OPA1: variants seen among roughly 807,000 people sequenced by gnomAD.
OPA1 encodes the protein dynamin-like GTPase OPA1, mitochondrial.
OPA1 carries 59 observed loss-of-function variants against 152.9 expected under a neutral mutation model. The ratio of observed to expected loss-of-function variants is 0.39; its 90% CI spans 0.31 to 0.48. The LOEUF is 0.48. Ranked by LOEUF, OPA1 falls within the 20% of genes least tolerant of loss-of-function variation. OPA1 has a pLI of 0.96. For synonymous variants in OPA1, 400 were observed against 389.9 expected (o/e 1.03, Z -0.31); for missense variants, 1,008 against 1,216.8 (o/e 0.83, Z 2.55).
chr3:193,599,543 G>A (rs1726145654), intron 1 of OPA1, among the ~76,000 whole-genome samples: 1 of 151,912 alleles, frequency 6.6e-6, no homozygotes, highest in African/African-American at 2.4e-5. Flanking sequence ...GAAGTGGCAG[G>A]GAGTCCAAAA....
Position 193,645,599 on chromosome 3 carries a change from G to A in OPA1, c.1655G>A (p.Gly552Asp). 6.2e-7 allele frequency: 1 copy of A among 1,613,098 alleles called. No individual in the cohort carries two copies. Among genetic ancestry groups the A allele is most frequent in the African/African-American group, 1.3e-5 (1 of 74,992 alleles). The change falls in exon 17 of 31, where the codon GGT becomes GAT. Residue 552 changes from glycine (G) to aspartate (D), a missense_variant. Gly to Asp is a moderately conservative substitution (Grantham distance 94). Transcript: ENST00000361510. ...EGKLFPMKAL[G>D]YFAVVTGKGN... ...AAGCTCTTCCCAATGAAAGCTTTAG[G>A]TTATTTTGCTGTTGTAACAGGAAAA...
intron 29 of OPA1, among the ~76,000 whole-genome samples, chr3:193,680,941 G>A (rs1720035026): frequency 6.6e-6 from 1 of 152,030 alleles, no homozygotes; most frequent in Non-Finnish European, 1.5e-5. Context: ...TAAGTGTGGA[G>A]CATCTTATGT....
intron 5 of OPA1, chr3:193,618,563 G>T (rs1481103069): frequency 8.8e-6 from 3 of 341,338 alleles, no homozygotes; most frequent in Non-Finnish European, 1.6e-5. Flanking sequence ...TGGCTGAACT[G>T]TAAGTACTCT....
intron 1 of OPA1, among the ~76,000 whole-genome samples, chr3:193,607,694 G>A (rs1346691471): frequency 6.6e-5 from 10 of 152,240 alleles, no homozygotes; most frequent in Admixed American, 2.0e-4. Context: ...GTCAGGTAGC[G>A]TGATGCCTCC....
chr3:193,617,129 C>A (rs1577162200), intron 3 of OPA1, 49 bp from the exon 4 acceptor site: 2 of 1,105,554 alleles, frequency 1.8e-6, no homozygotes, highest in Non-Finnish European at 2.8e-6. Flanking sequence ...AGAATAGTAT[C>A]TGACATATTT....
chr3:193,653,706 A>G (rs1713090933), intron 21 of OPA1, among the ~76,000 whole-genome samples: 1 of 152,198 alleles, frequency 6.6e-6, no homozygotes, highest in Admixed American at 6.5e-5. Context: ...CTGTGATCTG[A>G]TAAGTTGTCA....
chr3:193,598,033 A>G (rs1725881702), intron 1 of OPA1, among the ~76,000 whole-genome samples: 1 of 152,212 alleles, frequency 6.6e-6, no homozygotes, highest in African/African-American at 2.4e-5. Flanking sequence ...GTGAGCCCTG[A>G]TAATGCCATT....
intron 16 of OPA1, 77 bp downstream of exon 16, chr3:193,644,182 A>G: frequency 6.6e-7 from 1 of 1,515,238 alleles, no homozygotes; most frequent in South Asian, 1.1e-5. Flanking sequence ...TTATTTAAAA[A>G]AACAACAACA....
At chr3:193,685,643 AAAT>A (rs1456634736) in intron 29 of OPA1, among the ~76,000 whole-genome samples, 1 of 152,170 alleles carries the variant, frequency 6.6e-6, no homozygotes, top group Non-Finnish European at 1.5e-5. Flanking sequence ...TGCTCAGAAA[AAAT>A]ACATTATAAA....
intron 21 of OPA1, among the ~76,000 whole-genome samples, chr3:193,651,182 G>C (rs186129268): frequency 3.9e-5 from 6 of 152,284 alleles, no homozygotes; most frequent in Non-Finnish European, 1.5e-5. Flanking sequence ...AGTAGGGGGA[G>C]GGTGGTCACT....
At chr3:193,635,397 A>G (rs779292631) in intron 8 of OPA1, 21 bp from the exon 9 acceptor site, 1 of 1,417,784 alleles carries the variant, frequency 7.1e-7, no homozygotes, top group East Asian at 2.3e-5. Context: ...TTATATAGTT[A>G]CACTTATTAT....
At chr3:193,678,209 T>G (rs1014700105) in intron 29 of OPA1, among the ~76,000 whole-genome samples, 64 of 152,368 alleles carry the variant, frequency 4.2e-4, no homozygotes, top group African/African-American at 1.5e-3. Flanking sequence ...AAAGCCATTT[T>G]ATCTTTAGTC....
chr3:193,595,715 A>C (rs1266715189), intron 1 of OPA1, among the ~76,000 whole-genome samples: 1 of 151,908 alleles, frequency 6.6e-6, no homozygotes, highest in East Asian at 1.9e-4. Flanking sequence ...TACTCATTTG[A>C]CTTGGCACAC....
intron 29 of OPA1, chr3:193,667,551 G>C (rs1003517884): frequency 5.1e-6 from 2 of 391,010 alleles, no homozygotes; most frequent in Non-Finnish European, 9.9e-6. Flanking sequence ...GGTGCCTATA[G>C]TCCCAGCTAC....
At chr3:193,593,474 C>T (rs937081317) in intron 1 of OPA1, 65 bp downstream of exon 1, 43 of 1,417,872 alleles carry the variant, frequency 3.0e-5, no homozygotes, top group Middle Eastern at 1.8e-4. Context: ...GCTGTCTTAT[C>T]TCTATCTCCA....
chr3:193,598,329 A>G (rs1725927065), intron 1 of OPA1, among the ~76,000 whole-genome samples: 1 of 152,182 alleles, frequency 6.6e-6, no homozygotes, highest in African/African-American at 2.4e-5. Context: ...AGTAGAGGGC[A>G]AGGTCATCTA....
chr3:193,657,972 G>A (rs993321417), intron 23 of OPA1, among the ~76,000 whole-genome samples: 5 of 152,096 alleles, frequency 3.3e-5, no homozygotes, highest in African/African-American at 9.7e-5. Context: ...ATGGCCGGGC[G>A]TGGTGGCTCA....
chr3:193,672,318 C>G (rs1718109349), intron 29 of OPA1, among the ~76,000 whole-genome samples: 2 of 152,154 alleles, frequency 1.3e-5, no homozygotes, highest in Admixed American at 1.3e-4. Context: ...ATCTGGGCAT[C>G]AATAACAATT....
intron 7 of OPA1, among the ~76,000 whole-genome samples, chr3:193,631,116 G>T (rs529088616): frequency 1.1e-3 from 169 of 152,206 alleles, no homozygotes; most frequent in African/African-American, 3.8e-3. Context: ...GCTACTTATG[G>T]TACAGAAATG....
Sources: allele counts gnomAD v4.1 joint callset (sites outside exome capture counted in the v4.1 genomes callset), GRCh38; gene constraint gnomAD v4.1.1; transcripts MANE v1.5; gene names NCBI Gene and HGNC (gene_info 2026-07-23, HGNC 2026-07-21).